BRWD1: variants seen among roughly 807,000 people sequenced by gnomAD.
BRWD1 encodes the protein bromodomain and WD repeat domain containing 1.
A neutral mutation model predicts 251.2 loss-of-function variants in BRWD1; 82 were observed. The observed-to-expected ratio is 0.33, with a 90% CI of 0.27 to 0.39. BRWD1 has a LOEUF of 0.39. Among genes scored for constraint, BRWD1 ranks in the 10% least tolerant of loss-of-function variants. The probability of loss-of-function intolerance (pLI) is 1.00; values close to 1 mark genes in which losing one functional copy is unlikely to be tolerated. For synonymous variants in BRWD1, 918 were observed against 902.8 expected, an observed-to-expected ratio of 1.02 and a Z score of -0.30; for missense variants, 2,233 against 2,711.6, an observed-to-expected ratio of 0.82 and a Z score of 3.92.
intron 8 of BRWD1, among the ~76,000 whole-genome samples, chr21:39,293,295 C>A (rs997960541): frequency 2.6e-5 from 4 of 152,072 alleles, no homozygotes; most frequent in Non-Finnish European, 5.9e-5. Context: ...GAGTTCGAGA[C>A]CAGCCTGCCC....
intron 9 of BRWD1, 151 bp downstream of exon 9, chr21:39,279,997 G>A (rs1307416310): frequency 6.1e-6 from 3 of 492,268 alleles, no homozygotes; most frequent in East Asian, 7.0e-5. Flanking sequence ...TAGTCAATAT[G>A]GCACATATGC....
intron 33 of BRWD1, among the ~76,000 whole-genome samples, chr21:39,213,099 T>A (rs115383856): frequency 0.015 from 2,326 of 152,270 alleles, 59 homozygotes; most frequent in African/African-American, 0.053. Context: ...CATCTAACTT[T>A]TTTATTTATT....
chr21:39,254,156 C>T (rs2034487985), intron 19 of BRWD1, among the ~76,000 whole-genome samples: 2 of 152,150 alleles, frequency 1.3e-5, no homozygotes, highest in African/African-American at 4.8e-5. Flanking sequence ...GTCCCAGCTA[C>T]TCGGGAGGCT....
intron 29 of BRWD1, among the ~76,000 whole-genome samples, chr21:39,221,878 T>C (rs1162481710): frequency 6.6e-6 from 1 of 150,594 alleles, no homozygotes; most frequent in African/African-American, 2.4e-5. Context: ...CACTTCAACC[T>C]GGGCAAAGAG....
At chr21:39,230,347 A>C (rs116773963) in intron 25 of BRWD1, among the ~76,000 whole-genome samples, 2,321 of 152,298 alleles carry the variant, frequency 0.015, 56 homozygotes, top group African/African-American at 0.053. Context: ...TTATTCACTG[A>C]ACAAATGTTA....
In BRWD1 at chr21:39,229,398, T is replaced by C. The variant is rs1253362300; in HGVS notation, c.3039A>G (p.Glu1013=). The change falls in exon 26 of 41, where the codon GAA becomes GAG. Residue 1013 remains glutamate (E), a synonymous_variant. Coordinates refer to ENST00000342449, the MANE Select transcript of BRWD1 (RefSeq NM_033656.4). ...ELVKIVGIRY[E]VGPPTLCCLK... is the part of the protein sequence containing the mutation. ...GGCAACAGAGTGTAGGGGGCCCAACTTCATATCGTATTCCAACTATTTTAA... is the reference window on the plus strand; with the variant it reads ...GGCAACAGAGTGTAGGGGGCCCAACCTCATATCGTATTCCAACTATTTTAA... 2.5e-6 allele frequency: 4 copies of C among 1,610,496 alleles called. No homozygotes were observed. The highest frequency in any genetic ancestry group is 1.1e-5 in the South Asian group (1 of 90,940).
chr21:39,204,757 A>T (rs1178027748), intron 37 of BRWD1, among the ~76,000 whole-genome samples: 1 of 152,196 alleles, frequency 6.6e-6, no homozygotes, highest in Non-Finnish European at 1.5e-5. Context: ...ACCTCAGATC[A>T]TCAGGCATTA....
chr21:39,277,188 C>A, intron 11 of BRWD1, 63 bp downstream of exon 11: 1 of 1,209,498 alleles, frequency 8.3e-7, no homozygotes, highest in Non-Finnish European at 1.2e-6. Flanking sequence ...AACAATGCCC[C>A]TTAGCAATAA....
rs563953147 is a variant in BRWD1 at position 39,192,140 on chromosome 21, G to C, written c.*4119C>G. The C allele has an allele frequency of 1.1e-3, 1,046 of 984,914 alleles. No homozygotes were observed. Among genetic ancestry groups the C allele is most frequent in the Non-Finnish European group, 1.2e-3 (1,006 of 829,644 alleles). The allele number at this position is 984,914 out of a possible 1,614,324, so 61.0% of individuals were successfully genotyped here. ...ACCAGCTTGGCAGATTATGAAAAAGGTAAAAATCTCTTACTTTTGAGAATC... is the reference window on the plus strand; with the variant it reads ...ACCAGCTTGGCAGATTATGAAAAAGCTAAAAATCTCTTACTTTTGAGAATC... On this transcript the variant is annotated 3_prime_UTR_variant, in exon 41 of 41. Transcript: ENST00000342449.
chr21:39,259,282 T>C (rs2034663197), intron 17 of BRWD1, among the ~76,000 whole-genome samples: 1 of 152,106 alleles, frequency 6.6e-6, no homozygotes, highest in Non-Finnish European at 1.5e-5. Flanking sequence ...TACCCATAAT[T>C]CTTACTTCAA....
At chr21:39,206,005 G>A (rs969152719) in intron 37 of BRWD1, 103 bp downstream of exon 37, 10 of 1,136,934 alleles carry the variant, frequency 8.8e-6, no homozygotes, top group South Asian at 1.6e-5. Flanking sequence ...ACTTGAACCC[G>A]GGAGGCAGAG....
chr21:39,203,688 T>C lies in BRWD1; in HGVS notation c.4365-1143A>G, dbSNP rs76237046. 1.1e-3 allele frequency among the ~76,000 whole-genome samples: 168 copies of C among 150,920 alleles called. 1 individual carries two copies. The East Asian group carries it at 0.03, about 27-fold the overall frequency. On this transcript the variant is annotated intron_variant, in intron 37 of 40. Coordinates refer to ENST00000342449, the MANE Select transcript of BRWD1 (RefSeq NM_033656.4). Reference sequence around the variant, plus strand: ...TCCCAAAGTGCTGGGATTACAAGCGTGAGCCACCGCGCCCAGCCGACCCTG... The same window carrying C: ...TCCCAAAGTGCTGGGATTACAAGCGCGAGCCACCGCGCCCAGCCGACCCTG...
At chr21:39,220,002 C>T (rs1054061681) in intron 29 of BRWD1, among the ~76,000 whole-genome samples, 2 of 152,050 alleles carry the variant, frequency 1.3e-5, no homozygotes, top group Non-Finnish European at 2.9e-5. Context: ...AGAGGAAAGA[C>T]GCTGTACAGG....
At chr21:39,210,560 T>C (rs932577910) in intron 35 of BRWD1, among the ~76,000 whole-genome samples, 4 of 152,224 alleles carry the variant, frequency 2.6e-5, no homozygotes, top group East Asian at 3.8e-4. Flanking sequence ...CCCACTGTTA[T>C]GTAATACTGA....
intron 11 of BRWD1, 107 bp downstream of exon 11, chr21:39,277,144 C>G (rs2035304146): frequency 1.4e-5 from 9 of 655,924 alleles, no homozygotes; most frequent in Non-Finnish European, 2.1e-5. Context: ...ATTTGTTCAA[C>G]AGAAAAAAAA....
intron 10 of BRWD1, 37 bp from the exon 11 acceptor site, chr21:39,277,388 A>G (rs927896776): frequency 3.1e-6 from 4 of 1,298,256 alleles, no homozygotes; most frequent in Non-Finnish European, 3.2e-6. Flanking sequence ...CATCCAGTTT[A>G]TAACAAATAC....
chr21:39,267,160 A>C (rs1423375930), intron 15 of BRWD1, among the ~76,000 whole-genome samples: 1 of 152,150 alleles, frequency 6.6e-6, no homozygotes, highest in Admixed American at 6.5e-5. Context: ...GTCTATTTGT[A>C]CTTTGATCAT....
chr21:39,198,998 A>G lies in BRWD1; in HGVS notation c.5418T>C (p.Phe1806=). The change falls in exon 40 of 41, where the codon TTT becomes TTC. Residue 1806 remains phenylalanine, a synonymous_variant. Coordinates refer to ENST00000342449, the MANE Select transcript of BRWD1 (RefSeq NM_033656.4). ...GRSGGRKYNT[F]HKNASFFKKT... ...TTTTAAAGAAACTCGCATTCTTGTG[A>G]AATGTATTGTATTTCCTACCACCAG... 6.2e-7 allele frequency: 1 copy of G among 1,614,078 alleles called. No homozygotes were observed. Among genetic ancestry groups the G allele is most frequent in the Non-Finnish European group, 8.5e-7 (1 of 1,180,020 alleles).
chr21:39,283,320 A>G (rs1037074076), intron 8 of BRWD1, among the ~76,000 whole-genome samples: 1 of 152,194 alleles, frequency 6.6e-6, no homozygotes, highest in African/African-American at 2.4e-5. Context: ...ACATATTTAC[A>G]ATACTGAATC....
Sources: gnomAD v4.1 joint callset for allele counts (sites outside exome capture counted in the v4.1 genomes callset) on GRCh38, gnomAD v4.1.1 for gene constraint, MANE v1.5 for transcripts, NCBI Gene and HGNC (gene_info 2026-07-23, HGNC 2026-07-21) for gene names.